The following NRG3 variants were observed in gnomAD, a reference collection of about 807,000 sequenced individuals.
NRG3 encodes the protein neuregulin 3, also known as pro-neuregulin-3, membrane-bound isoform.
NRG3 carries 31 observed loss-of-function variants against 66.9 expected under a neutral mutation model. That is an observed-to-expected ratio of 0.46 (90% confidence interval 0.35 to 0.63). The LOEUF (loss-of-function observed/expected upper bound fraction) is 0.63, where lower values mean the gene tolerates loss of function less well. Among genes scored for constraint, NRG3 ranks in the 20% least tolerant of loss-of-function variants. NRG3 has a pLI of 0.00. For synonymous variants in NRG3, 393 were observed against 359.4 expected (o/e 1.09, Z -1.06); for missense variants, 910 against 878.9 (o/e 1.04, Z -0.45).
intron 1 of NRG3, among the ~76,000 whole-genome samples, chr10:81,925,821 G>A (rs1846724887): frequency 6.6e-6 from 1 of 151,940 alleles, no homozygotes; most frequent in Admixed American, 6.5e-5. Flanking sequence ...TTTGAAGAAA[G>A]GAACTTTGAT....
At chr10:82,467,025 C>T (rs1002251774) in intron 2 of NRG3, among the ~76,000 whole-genome samples, 10 of 152,104 alleles carry the variant, frequency 6.6e-5, no homozygotes, top group Non-Finnish European at 1.3e-4. Flanking sequence ...ATTCCACAGA[C>T]TGACTTTGCA....
intron 2 of NRG3, among the ~76,000 whole-genome samples, chr10:82,531,114 T>G (rs571921578): frequency 6.6e-6 from 1 of 151,774 alleles, no homozygotes; most frequent in Non-Finnish European, 1.5e-5. Flanking sequence ...TTGCAACAAT[T>G]TTAGTGAAAG....
chr10:82,890,797 C>CTT (rs1843085441), intron 4 of NRG3, among the ~76,000 whole-genome samples: 1 of 152,134 alleles, frequency 6.6e-6, no homozygotes, highest in Admixed American at 6.6e-5. Context: ...ACTCCACATT[C>CTT]TTTTCTGCAC....
intron 2 of NRG3, among the ~76,000 whole-genome samples, chr10:82,515,490 T>A (rs1590427419): frequency 6.6e-6 from 1 of 152,206 alleles, no homozygotes; most frequent in African/African-American, 2.4e-5. Flanking sequence ...ATGACTCTAT[T>A]GTTTCACCAG....
At chr10:82,344,567 G>A (rs1325998284) in intron 1 of NRG3, among the ~76,000 whole-genome samples, 1 of 142,916 alleles carries the variant, frequency 7.0e-6, no homozygotes, top group Non-Finnish European at 1.5e-5. Context: ...GTAGTCCTTT[G>A]GGTATATACC....
At chr10:82,923,154 G>A (rs1228099646) in intron 4 of NRG3, among the ~76,000 whole-genome samples, 1 of 152,264 alleles carries the variant, frequency 6.6e-6, no homozygotes, top group East Asian at 1.9e-4. Context: ...TCCCAGCCAT[G>A]CCCATTGTAT....
At position 82,622,033 on chromosome 10, in the gene NRG3, C is replaced by A. The variant is rs551701803; in HGVS notation, c.954-116544C>A. Among the ~76,000 whole-genome samples the A allele has an allele frequency of 8.3e-4, 127 of 152,158 alleles. 1 individual carries two copies. The highest frequency in any genetic ancestry group is 2.7e-3 in the Admixed American group (42 of 15,278). Reference sequence around the variant, plus strand: ...TTTTCCCATCTGGGTCAGGGAATGGCCAAAAAATGATCACAGCTGAGAAAT... The same window carrying A: ...TTTTCCCATCTGGGTCAGGGAATGGACAAAAAATGATCACAGCTGAGAAAT... On this transcript the variant is annotated intron_variant, in intron 2 of 8. Transcript: ENST00000372141.
At chr10:82,667,634 C>T (rs2052907249) in intron 2 of NRG3, among the ~76,000 whole-genome samples, 1 of 152,028 alleles carries the variant, frequency 6.6e-6, no homozygotes, top group Admixed American at 6.5e-5. Flanking sequence ...TGAAAGTATA[C>T]CATCTACCCT....
intron 2 of NRG3, among the ~76,000 whole-genome samples, chr10:82,655,715 A>G (rs2790708): frequency 0.76 from 115,173 of 152,188 alleles, 43,749 homozygotes; most frequent in East Asian, 0.84. Context: ...GAAAATCTCA[A>G]AAACAATCTA....
chr10:82,920,772 G>A (rs1313466591), intron 4 of NRG3, among the ~76,000 whole-genome samples: 1 of 152,084 alleles, frequency 6.6e-6, no homozygotes, highest in Non-Finnish European at 1.5e-5. Flanking sequence ...CCAACTGGAA[G>A]AGTTCCCAAT....
At chr10:82,608,376 A>G (rs897860884) in intron 2 of NRG3, among the ~76,000 whole-genome samples, 6 of 152,082 alleles carry the variant, frequency 3.9e-5, no homozygotes, top group African/African-American at 1.4e-4. Context: ...TGAACTTGAT[A>G]TGCTCCCGTG....
intron 3 of NRG3, among the ~76,000 whole-genome samples, chr10:82,763,939 T>C (rs979398550): frequency 2.6e-5 from 4 of 152,232 alleles, no homozygotes; most frequent in Non-Finnish European, 5.9e-5. Flanking sequence ...TGAAGTAAAA[T>C]ATGTTAAAAT....
intron 1 of NRG3, among the ~76,000 whole-genome samples, chr10:81,970,697 T>C (rs1356940316): frequency 6.6e-6 from 1 of 152,060 alleles, no homozygotes; most frequent in African/African-American, 2.4e-5. Context: ...GAAAAAAATA[T>C]GCTAGACCAA....
chr10:82,220,335 G>A (rs2075882051), intron 1 of NRG3, among the ~76,000 whole-genome samples: 1 of 152,102 alleles, frequency 6.6e-6, no homozygotes. Context: ...GTCTTAGGAA[G>A]GCCAACTCAA....
intron 2 of NRG3, among the ~76,000 whole-genome samples, chr10:82,394,329 C>T (rs1382728199): frequency 6.6e-6 from 1 of 152,210 alleles, no homozygotes; most frequent in Admixed American, 6.5e-5. Context: ...GCCCAGCCTC[C>T]TCCCTAGGCA....
chr10:82,619,381 G>C (rs1341085253), intron 2 of NRG3, among the ~76,000 whole-genome samples: 1 of 152,136 alleles, frequency 6.6e-6, no homozygotes, highest in East Asian at 1.9e-4. Context: ...TCTGCAGCAA[G>C]ATTTCTTCTG....
chr10:82,799,094 C>T (rs923808071), intron 3 of NRG3, among the ~76,000 whole-genome samples: 7 of 152,122 alleles, frequency 4.6e-5, no homozygotes, highest in African/African-American at 1.7e-4. Flanking sequence ...TGAGTACCTG[C>T]TATATGCCAG....
In NRG3 at chr10:81,913,790, G is replaced by A. The variant is rs113285423; in HGVS notation, c.823+37627G>A. Reference sequence around the variant, plus strand: ...TGTCTGATAAATAACGAAAGCCACCGTGAATCACAGCCTTTTCTTTCCAGA... The same window carrying A: ...TGTCTGATAAATAACGAAAGCCACCATGAATCACAGCCTTTTCTTTCCAGA... On this transcript the variant is annotated intron_variant, in intron 1 of 8. Coordinates refer to ENST00000372141, the MANE Select transcript of NRG3 (RefSeq NM_001010848.4). Among the ~76,000 whole-genome samples, 102 of 152,226 alleles carry A rather than the reference G, an allele frequency of 6.7e-4. 1 individual carries two copies. Among genetic ancestry groups the A allele is most frequent in the African/African-American group, 2.1e-3 (89 of 41,568 alleles).
intron 4 of NRG3, among the ~76,000 whole-genome samples, chr10:82,903,705 T>A (rs1216362187): frequency 1.3e-5 from 2 of 152,150 alleles, no homozygotes; most frequent in Non-Finnish European, 2.9e-5. Context: ...TAATACAATA[T>A]CTGATACATA....
Sources: gnomAD v4.1 joint callset for allele counts (sites outside exome capture counted in the v4.1 genomes callset) on GRCh38, gnomAD v4.1.1 for gene constraint, MANE v1.5 for transcripts, NCBI Gene and HGNC (gene_info 2026-07-23, HGNC 2026-07-21) for gene names.